TIAM1: variants seen among roughly 807,000 people sequenced by gnomAD.
TIAM1 encodes rho guanine nucleotide exchange factor TIAM1.
In TIAM1, 65 loss-of-function variants were observed where a neutral mutation model predicts 163.5. The ratio of observed to expected loss-of-function variants is 0.40; its 90% CI spans 0.33 to 0.49. The LOEUF is 0.49. Ranked by LOEUF, TIAM1 falls within the 20% of genes least tolerant of loss-of-function variation. TIAM1 has a pLI of 0.77. For missense variants in TIAM1, 1,789 were observed against 2,044.7 expected (o/e 0.87, Z 2.41); for synonymous variants, 833 against 810.1 (o/e 1.03, Z -0.48).
intron 27 of TIAM1, among the ~76,000 whole-genome samples, chr21:31,121,471 TAGAG>T (rs1406199720): frequency 6.6e-6 from 1 of 152,170 alleles, no homozygotes; most frequent in Non-Finnish European, 1.5e-5. Context: ...ACGTCACTCT[TAGAG>T]AGCCTATGAA....
chr21:31,283,008 C>A (rs927842640), intron 2 of TIAM1, among the ~76,000 whole-genome samples: 1 of 152,154 alleles, frequency 6.6e-6, no homozygotes, highest in East Asian at 1.9e-4. Context: ...AATTTTAGAG[C>A]GGTAAATCTT....
At position 31,177,547 on chromosome 21, in the gene TIAM1, C is replaced by T. The variant is rs971688110; in HGVS notation, c.2887+4874G>A. The stretch of plus-strand genomic sequence containing the variant: ...ACTTGAACCTGGGAGGCAGAGGTTG[C>T]AGTGAGCCAAGATCCTGCCACTGCA... On this transcript the variant is annotated intron_variant, in intron 15 of 27. Coordinates refer to ENST00000541036, the MANE Select transcript of TIAM1 (RefSeq NM_001353694.2). 5.9e-5 allele frequency among the ~76,000 whole-genome samples: 9 copies of T among 152,284 alleles called. No homozygotes were observed. In the East Asian group the frequency reaches 1.7e-3, roughly 29 times the overall value.
intron 1 of TIAM1, among the ~76,000 whole-genome samples, chr21:31,490,494 C>G (rs1175256337): frequency 6.6e-6 from 1 of 152,104 alleles, no homozygotes; most frequent in Non-Finnish European, 1.5e-5. Flanking sequence ...CCTTGGATGC[C>G]TCCCTCCCTG....
At chr21:31,551,557 A>G (rs8134514) in intron 1 of TIAM1, among the ~76,000 whole-genome samples, 28,921 of 151,854 alleles carry the variant, frequency 0.19, 2,913 homozygotes, top group Non-Finnish European at 0.22. Context: ...TGAGCACTAT[A>G]GTAGAACCCC....
At chr21:31,256,789 T>C (rs765764951) in intron 4 of TIAM1, among the ~76,000 whole-genome samples, 13 of 152,188 alleles carry the variant, frequency 8.5e-5, no homozygotes, top group Non-Finnish European at 1.5e-4. Flanking sequence ...CACATCTACT[T>C]TGTAAGACAC....
Position 31,141,302 on chromosome 21 carries a change from G to A in TIAM1, c.3655+23C>T, listed in dbSNP as rs73899663. The stretch of plus-strand genomic sequence containing the variant: ...ACCCTCATGGAGACTCAGGCCTGCC[G>A]GGGGTCCCAGGCCGAGGCCTACCGT... On this transcript the variant is annotated intron_variant, in intron 21 of 27. Coordinates refer to ENST00000541036, the MANE Select transcript of TIAM1 (RefSeq NM_001353694.2). This position sits in a 1 kb window ranked among gnomAD's most constrained non-coding sequence, Gnocchi z 4.7. The A allele has an allele frequency of 3.8e-4, 606 of 1,613,386 alleles. 12 individuals carry two copies. The South Asian group carries it at 5.9e-3, about 16-fold the overall frequency.
intron 2 of TIAM1, among the ~76,000 whole-genome samples, chr21:31,442,066 A>AAAAAAAAAAAAAAAAAAAAAATAT (rs1202451553): frequency 2.1e-4 from 4 of 18,780 alleles, no homozygotes; most frequent in African/African-American, 9.8e-4. Context: ...AGAACAAATA[A>AAAAAAAAAAAAAAAAAAAAAATAT]ATAAATATAT....
chr21:31,290,840 T>A (rs948481387), intron 2 of TIAM1, among the ~76,000 whole-genome samples: 1 of 152,102 alleles, frequency 6.6e-6, no homozygotes, highest in Non-Finnish European at 1.5e-5. Flanking sequence ...AGTCATATCA[T>A]GTGCGAGGGC....
At chr21:31,543,185 G>A (rs112068770) in intron 1 of TIAM1, among the ~76,000 whole-genome samples, 10 of 152,248 alleles carry the variant, frequency 6.6e-5, no homozygotes, top group Admixed American at 2.6e-4. Flanking sequence ...CTGCTCATCA[G>A]CAACTAAGAG....
At chr21:31,350,954 A>C (rs1356078900) in intron 2 of TIAM1, among the ~76,000 whole-genome samples, 2 of 152,220 alleles carry the variant, frequency 1.3e-5, no homozygotes, top group African/African-American at 4.8e-5. Flanking sequence ...ATCAATTAAA[A>C]TTAGGTGACT....
intron 6 of TIAM1, among the ~76,000 whole-genome samples, chr21:31,236,804 G>A (rs2088793101): frequency 2.0e-5 from 3 of 152,166 alleles, no homozygotes; most frequent in Admixed American, 1.3e-4. Flanking sequence ...CCTGCATGGG[G>A]CAGACCACAC....
chr21:31,177,532 G>A (rs1215057980), intron 15 of TIAM1, among the ~76,000 whole-genome samples: 1 of 152,130 alleles, frequency 6.6e-6, no homozygotes, highest in African/African-American at 2.4e-5. Context: ...ACTTGAACCT[G>A]GGAGGCAGAG....
chr21:31,248,403 A>G (rs1469976285), intron 5 of TIAM1, among the ~76,000 whole-genome samples: 2 of 152,104 alleles, frequency 1.3e-5, no homozygotes, highest in African/African-American at 2.4e-5. Context: ...CTCATGATCA[A>G]CTCGTTCCAA....
At chr21:31,466,056 A>T (rs1474594712) in intron 1 of TIAM1, among the ~76,000 whole-genome samples, 1 of 152,198 alleles carries the variant, frequency 6.6e-6, no homozygotes, top group Non-Finnish European at 1.5e-5. Context: ...GTCCTTGAGG[A>T]TCCCAATCAA....
chr21:31,196,307 T>A (rs990925171), intron 12 of TIAM1, among the ~76,000 whole-genome samples: 11 of 149,864 alleles, frequency 7.3e-5, no homozygotes, highest in African/African-American at 2.0e-4. Flanking sequence ...GCTTTTCTTT[T>A]CTTTTTTCTT....
intron 2 of TIAM1, among the ~76,000 whole-genome samples, chr21:31,380,986 A>G (rs774432157): frequency 3.3e-5 from 5 of 152,354 alleles, no homozygotes; most frequent in Admixed American, 1.3e-4. Context: ...TCTTTCACCG[A>G]TGAGTGAGTA....
At chr21:31,144,176 G>C (rs2082992695) in intron 20 of TIAM1, among the ~76,000 whole-genome samples, 1 of 152,224 alleles carries the variant, frequency 6.6e-6, no homozygotes, top group Non-Finnish European at 1.5e-5. Context: ...AAATCCTGAA[G>C]AGAAAGGACA....
rs183229891 is a variant in TIAM1, at chr21:31,296,863, T to C, written c.-188-19955A>G. 1.1e-3 allele frequency among the ~76,000 whole-genome samples: 168 copies of C among 152,250 alleles called. 1 individual carries two copies. The highest frequency in any genetic ancestry group is 3.4e-3 in the Middle Eastern group (1 of 294). ...TATTTTTAGTAGAGATGGGGTTTCATCGTGTTAGCCAGGATGGTCTTGATT... is the reference window on the plus strand; with the variant it reads ...TATTTTTAGTAGAGATGGGGTTTCACCGTGTTAGCCAGGATGGTCTTGATT... On this transcript the variant is annotated intron_variant, in intron 2 of 27. Transcript: ENST00000541036.
chr21:31,382,350 A>G (rs918921864), intron 2 of TIAM1, among the ~76,000 whole-genome samples: 19 of 152,258 alleles, frequency 1.2e-4, no homozygotes, highest in African/African-American at 4.3e-4. Flanking sequence ...TGTCTAGAAC[A>G]TAAGGGCAGA....
Sources: allele counts gnomAD v4.1 joint callset (sites outside exome capture counted in the v4.1 genomes callset), GRCh38; gene constraint gnomAD v4.1.1; non-coding constraint Gnocchi (gnomAD v3.1); transcripts MANE v1.5; gene names NCBI Gene and HGNC (gene_info 2026-07-23, HGNC 2026-07-21).